The following USP37 variants were observed in gnomAD, a reference collection of about 807,000 sequenced individuals.
USP37 encodes the protein ubiquitin carboxyl-terminal hydrolase 37.
A neutral mutation model predicts 124.0 loss-of-function variants in USP37; 27 were observed. The ratio of observed to expected loss-of-function variants is 0.22; its 90% CI spans 0.16 to 0.30. USP37 has a LOEUF of 0.30. USP37 is among the 10% of genes least tolerant of loss of function. The probability of loss-of-function intolerance (pLI) is 1.00; values close to 1 mark genes in which losing one functional copy is unlikely to be tolerated. For missense variants in USP37, 889 were observed against 1,140.4 expected, an observed-to-expected ratio of 0.78 and a Z score of 3.17; for synonymous variants, 365 against 388.0, an observed-to-expected ratio of 0.94 and a Z score of 0.70.
Position 218,483,291 on chromosome 2 carries a change from A to G in USP37, c.1671-1057T>C, listed in dbSNP as rs537249987. On this transcript the variant is annotated intron_variant, in intron 16 of 25. Coordinates refer to ENST00000258399, the MANE Select transcript of USP37 (RefSeq NM_020935.3). ...GTAGCCCTGCTATGCATGGAGCAGT[A>G]AAAGGTGGGGGGGAAGGTAATATAA... Among the ~76,000 whole-genome samples the G allele has an allele frequency of 2.5e-3, 377 of 150,944 alleles. 2 individuals carry two copies. The highest frequency in any genetic ancestry group is 8.8e-3 in the African/African-American group (354 of 40,276).
rs141437175 is a variant in USP37 at position 218,546,979 on chromosome 2, C to T, written c.542G>A (p.Arg181Gln). The T allele has an allele frequency of 2.0e-5, 33 of 1,613,002 alleles. No individual in the cohort carries two copies. The South Asian group carries it at 2.1e-4, about 10-fold the overall frequency. ...IKTVAGSGIA[R>Q]TIPSLTSTST... is the part of the protein sequence containing the mutation. Reference sequence around the variant, plus strand: ...AGTAGATGTCAAAGAAGGAATCGTCCGAGCTATTCCACTTCCTGCTACAGT... The same window carrying T: ...AGTAGATGTCAAAGAAGGAATCGTCTGAGCTATTCCACTTCCTGCTACAGT... The change falls in exon 7 of 26, where the codon CGG (arginine) becomes CAG (glutamine). Residue 181 changes from arginine (R) to glutamine (Q), a missense_variant. By Grantham distance (43) the Arg-to-Gln change is conservative. Around this residue, in one of 3 missense-constraint regions of USP37, gnomAD observed 374 missense variants for 386.0 expected, o/e 0.97. Coordinates refer to ENST00000258399, the MANE Select transcript of USP37 (RefSeq NM_020935.3).
At chr2:218,560,492 T>G (rs1693250948) in intron 3 of USP37, among the ~76,000 whole-genome samples, 1 of 152,210 alleles carries the variant, frequency 6.6e-6, no homozygotes, top group African/African-American at 2.4e-5. Flanking sequence ...ATTAATGGAA[T>G]TAATGTCTGT....
intron 20 of USP37, among the ~76,000 whole-genome samples, chr2:218,470,478 T>A (rs1029896494): frequency 2.6e-5 from 4 of 152,230 alleles, no homozygotes; most frequent in Admixed American, 2.6e-4. Context: ...TCTTCAAACA[T>A]AAATCCTTAT....
At chr2:218,455,502 C>A in intron 25 of USP37, 78 bp downstream of exon 25, 2 of 1,445,814 alleles carry the variant, frequency 1.4e-6, no homozygotes, top group Non-Finnish European at 1.8e-6. Flanking sequence ...AACATTTTAT[C>A]CTCAAAGGAA....
intron 1 of USP37, among the ~76,000 whole-genome samples, chr2:218,564,637 C>G (rs1574972785): frequency 6.6e-6 from 1 of 152,138 alleles, no homozygotes; most frequent in South Asian, 2.1e-4. Flanking sequence ...TTAACTTTCT[C>G]CCTAAGGTGG....
At chr2:218,508,097 G>A (rs1390746939) in intron 11 of USP37, among the ~76,000 whole-genome samples, 1 of 152,178 alleles carries the variant, frequency 6.6e-6, no homozygotes, top group African/African-American at 2.4e-5. Flanking sequence ...CTGTTCTGAA[G>A]AAGGTAACTT....
At chr2:218,547,427 T>TTGTTGG (rs957148606) in intron 6 of USP37, among the ~76,000 whole-genome samples, 4 of 133,392 alleles carry the variant, frequency 3.0e-5, no homozygotes, top group African/African-American at 2.8e-5. Flanking sequence ...GTTGTTGTTG[T>TTGTTGG]TTGTTGTTGT....
intron 19 of USP37, among the ~76,000 whole-genome samples, chr2:218,476,195 C>T (rs189114283): frequency 1.1e-4 from 16 of 152,206 alleles, no homozygotes; most frequent in Admixed American, 1.0e-3. Flanking sequence ...ATATATTAAT[C>T]CAATTAATAA....
chr2:218,544,051 T>C (rs1166740028), intron 8 of USP37, among the ~76,000 whole-genome samples: 1 of 151,960 alleles, frequency 6.6e-6, no homozygotes, highest in East Asian at 1.9e-4. Context: ...TCTTTGTGAC[T>C]TTTCTGCAAA....
At chr2:218,506,286 C>CTTTT (rs60620765) in intron 11 of USP37, among the ~76,000 whole-genome samples, 5 of 72,618 alleles carry the variant, frequency 6.9e-5, no homozygotes, top group Admixed American at 2.0e-4. Context: ...TTCTTTCTGG[C>CTTTT]TTTTTTTTTT....
intron 9 of USP37, 81 bp from the exon 10 acceptor site, chr2:218,530,121 G>T (rs948163522): frequency 2.1e-5 from 21 of 996,836 alleles, no homozygotes; most frequent in Non-Finnish European, 2.9e-5. Flanking sequence ...GTATACATTA[G>T]TCCTGATTAT....
rs144589221 is a variant in USP37 at position 218,520,607 on chromosome 2, C to T, written c.863+9349G>A. Reference sequence around the variant, plus strand: ...CCTCGGGTGATCGGCCCACCACAGCCTCCCAAAGTACTGGGATTACAGGTG... The same window carrying T: ...CCTCGGGTGATCGGCCCACCACAGCTTCCCAAAGTACTGGGATTACAGGTG... On this transcript the variant is annotated intron_variant, in intron 10 of 25. Transcript: ENST00000258399. 4.0e-3 allele frequency among the ~76,000 whole-genome samples: 607 copies of T among 152,302 alleles called. 1 individual carries two copies. Among genetic ancestry groups the T allele is most frequent in the Non-Finnish European group, 6.1e-3 (413 of 68,036 alleles).
At chr2:218,567,960 G>A (rs1693736931) in intron 1 of USP37, among the ~76,000 whole-genome samples, 1 of 152,190 alleles carries the variant, frequency 6.6e-6, no homozygotes, top group African/African-American at 2.4e-5. Flanking sequence ...CGGAGGGAGC[G>A]AGTGGCAGTG....
chr2:218,544,386 C>CAAAAAA lies in USP37; in HGVS notation c.680+1829_680+1834dup, dbSNP rs1163366372. 4.3e-4 allele frequency among the ~76,000 whole-genome samples: 11 copies of CAAAAAA among 25,778 alleles called. 1 individual carries two copies. Among genetic ancestry groups the CAAAAAA allele is most frequent in the African/African-American group, 2.3e-3 (6 of 2,652 alleles). The allele number at this position is 25,778 out of a possible 152,430, so 16.9% of individuals were successfully genotyped here. A position where few individuals can be genotyped will look rare whatever the true frequency, so the allele number is the denominator to read the frequency against. On this transcript the variant is annotated intron_variant, in intron 8 of 25. Coordinates refer to ENST00000258399, the MANE Select transcript of USP37 (RefSeq NM_020935.3). ...GGTGACAGAACAAGACTCCGTTTCA[C>CAAAAAA]AAAAAAAAAAAAAAAAAAAAATATA...
chr2:218,561,741 A>G (rs112923951), intron 2 of USP37, among the ~76,000 whole-genome samples: 1,983 of 152,174 alleles, frequency 0.013, 16 homozygotes, highest in Non-Finnish European at 0.022. Flanking sequence ...CTCTTGCTTT[A>G]TATCATTCAA....
At chr2:218,517,748 T>C (rs368889853) in intron 10 of USP37, among the ~76,000 whole-genome samples, 1 of 152,228 alleles carries the variant, frequency 6.6e-6, no homozygotes, top group African/African-American at 2.4e-5. Flanking sequence ...TAAAGTCTGA[T>C]TTTATCACTT....
chr2:218,467,350 T>TCTAA (rs1690401897), intron 20 of USP37, among the ~76,000 whole-genome samples: 2 of 150,358 alleles, frequency 1.3e-5, no homozygotes, highest in East Asian at 2.0e-4. Context: ...TATCTATCTA[T>TCTAA]CTATCTATTT....
rs1689551923 is a variant in USP37, at chr2:218,453,536, C to G, written c.*1394G>C. 1 of 152,090 alleles carries G rather than the reference C, an allele frequency of 6.6e-6. No homozygotes were observed. Among genetic ancestry groups the G allele is most frequent in the South Asian group, 2.1e-4 (1 of 4,824 alleles). The allele number at this position is 152,090 out of a possible 1,614,324, so 9.4% of individuals were successfully genotyped here. On this transcript the variant is annotated 3_prime_UTR_variant, in exon 26 of 26. Transcript: ENST00000258399. ...TTTTCTATATTTAACTCTGTGTGAT[C>G]CTAATGATATCTGGGCTCACAAAAT...
chr2:218,520,776 C>A (rs78113293), intron 10 of USP37, among the ~76,000 whole-genome samples: 7,381 of 152,312 alleles, frequency 0.048, 509 homozygotes, highest in African/African-American at 0.16. Flanking sequence ...AGAGTGCTCT[C>A]CTGACTCCCT....
Sources: gnomAD v4.1 joint callset for allele counts (sites outside exome capture counted in the v4.1 genomes callset) on GRCh38, gnomAD v4.1.1 for gene constraint, gnomAD v4.1.1 regional missense constraint, MANE v1.5 for transcripts, NCBI Gene and HGNC (gene_info 2026-07-23, HGNC 2026-07-21) for gene names.